Variants in EMSY observed in about 807,000 individuals in gnomAD.
EMSY encodes the protein EMSY transcriptional repressor, BRCA2 interacting, also known as BRCA2-interacting transcriptional repressor EMSY.
A neutral mutation model predicts 134.6 loss-of-function variants in EMSY; 26 were observed. The ratio of observed to expected loss-of-function variants is 0.19; its 90% CI spans 0.14 to 0.27. The LOEUF (loss-of-function observed/expected upper bound fraction) is 0.27. Ranked by LOEUF, EMSY falls within the 10% of genes least tolerant of loss-of-function variation. The probability of loss-of-function intolerance (pLI) is 1.00; values close to 1 mark genes in which losing one functional copy is unlikely to be tolerated. For synonymous variants in EMSY, 579 were observed against 577.8 expected (o/e 1.00, Z -0.03); for missense variants, 1,305 against 1,611.4 (o/e 0.81, Z 3.26).
intron 9 of EMSY, among the ~76,000 whole-genome samples, chr11:76,504,787 C>T (rs1224134778): frequency 6.6e-6 from 1 of 152,104 alleles, no homozygotes; most frequent in Non-Finnish European, 1.5e-5. Flanking sequence ...TATCAATGGA[C>T]AAACAGATAA....
chr11:76,467,800 C>T (rs1046864746), intron 7 of EMSY, among the ~76,000 whole-genome samples: 19 of 151,954 alleles, frequency 1.3e-4, no homozygotes, highest in African/African-American at 4.6e-4. Flanking sequence ...TGAGACCAGC[C>T]TGATCAACAT....
exon 6 of EMSY, chr11:76,460,008 C>T (rs763722061): frequency 3.7e-6 from 6 of 1,614,008 alleles, no homozygotes; most frequent in African/African-American, 2.7e-5. Flanking sequence ...AGCATAGCAA[C>T]GGTTAAGTCT....
intron 7 of EMSY, among the ~76,000 whole-genome samples, chr11:76,470,588 G>T (rs952776166): frequency 3.3e-5 from 5 of 151,894 alleles, no homozygotes; most frequent in African/African-American, 1.2e-4. Flanking sequence ...TAACACTCCG[G>T]TGCAGGCAGC....
At chr11:76,465,575 G>A (rs753386897) in intron 7 of EMSY, among the ~76,000 whole-genome samples, 29 of 143,750 alleles carry the variant, frequency 2.0e-4, no homozygotes, top group Non-Finnish European at 4.2e-4. Context: ...TAAATTTCTA[G>A]TAACTCTTTT....
exon 2 of EMSY, chr11:76,446,934 C>A: frequency 6.2e-7 from 1 of 1,612,310 alleles, no homozygotes; most frequent in Non-Finnish European, 8.5e-7. Context: ...CAAACAGAAG[C>A]AGCAATGCCT....
At chr11:76,474,558 G>C (rs1158382170) in intron 8 of EMSY, among the ~76,000 whole-genome samples, 2 of 152,168 alleles carry the variant, frequency 1.3e-5, no homozygotes, top group Non-Finnish European at 2.9e-5. Flanking sequence ...TATGGATGCA[G>C]TCAGTATTTC....
intron 11 of EMSY, among the ~76,000 whole-genome samples, chr11:76,517,883 C>T (rs763697409): frequency 1.4e-4 from 21 of 152,168 alleles, no homozygotes; most frequent in Non-Finnish European, 1.9e-4. Context: ...CATTATGTCT[C>T]TATCTCTGCT....
intron 15 of EMSY, among the ~76,000 whole-genome samples, chr11:76,536,907 G>A (rs1951243722): frequency 6.6e-6 from 1 of 152,060 alleles, no homozygotes; most frequent in African/African-American, 2.4e-5. Flanking sequence ...TACTTATTTT[G>A]TTTAATTGTT....
At chr11:76,490,276 A>G (rs1949366383) in intron 8 of EMSY, among the ~76,000 whole-genome samples, 1 of 151,756 alleles carries the variant, frequency 6.6e-6, no homozygotes, top group Non-Finnish European at 1.5e-5. Context: ...CAACCTCCAC[A>G]TTGTTGACAT....
At chr11:76,498,297 T>C (rs1321814915) in intron 9 of EMSY, among the ~76,000 whole-genome samples, 1 of 152,192 alleles carries the variant, frequency 6.6e-6, no homozygotes, top group African/African-American at 2.4e-5. Flanking sequence ...ATGCTGCCGA[T>C]GTTGGGTGGA....
chr11:76,478,588 G>A (rs1948856362), intron 8 of EMSY, among the ~76,000 whole-genome samples: 1 of 151,748 alleles, frequency 6.6e-6, no homozygotes, highest in Non-Finnish European at 1.5e-5. Flanking sequence ...TGATCCACCT[G>A]CTTCAGCCTC....
chr11:76,539,725 C>T, intron 17 of EMSY, 85 bp downstream of exon 18: 1 of 1,290,640 alleles, frequency 7.7e-7, no homozygotes. Context: ...ATGCGCTCTA[C>T]TCTCATCTGG....
At chr11:76,446,179 C>G (rs542730844) in intron 1 of EMSY, among the ~76,000 whole-genome samples, 1 of 151,758 alleles carries the variant, frequency 6.6e-6, no homozygotes, top group Non-Finnish European at 1.5e-5. Context: ...AGAGCCGTGT[C>G]TTTTTGTCTT....
intron 2 of EMSY, among the ~76,000 whole-genome samples, chr11:76,449,066 G>T (rs1352621209): frequency 6.6e-6 from 1 of 152,028 alleles, no homozygotes; most frequent in African/African-American, 2.4e-5. Context: ...CTGATTTAAT[G>T]GACCAAATTG....
chr11:76,501,074 T>C (rs2135902084), intron 9 of EMSY, among the ~76,000 whole-genome samples: 1 of 152,342 alleles, frequency 6.6e-6, no homozygotes, highest in African/African-American at 2.4e-5. Context: ...CTATAATACC[T>C]AATACAATGT....
intron 8 of EMSY, among the ~76,000 whole-genome samples, chr11:76,494,151 T>C (rs1033524263): frequency 6.6e-6 from 1 of 152,272 alleles, no homozygotes; most frequent in Non-Finnish European, 1.5e-5. Flanking sequence ...AGCTGGCATC[T>C]GTGCCTGGCT....
At chr11:76,503,520 T>G (rs1023628509) in intron 9 of EMSY, among the ~76,000 whole-genome samples, 2 of 152,136 alleles carry the variant, frequency 1.3e-5, no homozygotes, top group African/African-American at 4.8e-5. Flanking sequence ...GGAAAAATAG[T>G]CTTTTTAACA....
intron 8 of EMSY, among the ~76,000 whole-genome samples, chr11:76,476,807 T>C (rs574384383): frequency 1.1e-3 from 161 of 152,196 alleles, no homozygotes; most frequent in Non-Finnish European, 1.8e-3. Context: ...TAGTGAAAAA[T>C]GGTGTTTAGA....
At position 76,537,761 on chromosome 11, in the gene EMSY, A is replaced by G. The variant is rs1471657560; in HGVS notation, c.2360-34A>G. On this transcript the variant is annotated intron_variant, in intron 15 of 20. Coordinates refer to ENST00000334736, the Ensembl canonical transcript of EMSY. ...TCTGGTTTTGGTACTTGTTTGTAAT[A>G]AAAGTTAACTTTTCCCCTGACTTTT... The G allele has an allele frequency of 2.6e-6, 4 of 1,555,372 alleles. No individual in the cohort carries two copies. The African/African-American group carries it at 4.1e-5, about 16-fold the overall frequency.
Sources: allele counts gnomAD v4.1 joint callset (sites outside exome capture counted in the v4.1 genomes callset), GRCh38; gene constraint gnomAD v4.1.1; transcripts MANE v1.5; gene names NCBI Gene and HGNC (gene_info 2026-07-23, HGNC 2026-07-21).